Variants in APBA2 observed in about 807,000 individuals in gnomAD.
The protein encoded by APBA2 is amyloid beta precursor protein binding family A member 2.
Under a neutral mutation model 75.0 loss-of-function variants are expected in APBA2, and 30 were observed. The ratio of observed to expected loss-of-function variants is 0.40; its 90% CI spans 0.30 to 0.54. The LOEUF is 0.54. APBA2 is among the 20% of genes least tolerant of loss of function. The pLI is 0.49. For synonymous variants in APBA2, 444 were observed against 409.6 expected (o/e 1.08, Z -1.01); for missense variants, 801 against 1,016.1 (o/e 0.79, Z 2.88).
intron 2 of APBA2, among the ~76,000 whole-genome samples, chr15:28,944,970 G>C (rs985425745): frequency 6.6e-6 from 1 of 152,188 alleles, no homozygotes; most frequent in Non-Finnish European, 1.5e-5. Flanking sequence ...CCTTGCCCCC[G>C]CTTTGCCTAG....
chr15:28,966,324 C>T (rs1160661467), intron 2 of APBA2, among the ~76,000 whole-genome samples: 2 of 151,744 alleles, frequency 1.3e-5, no homozygotes, highest in African/African-American at 2.4e-5. Flanking sequence ...GTGAATTTGT[C>T]GATTTTTCTC....
chr15:28,975,591 A>G (rs942626241), intron 2 of APBA2, among the ~76,000 whole-genome samples: 1 of 152,190 alleles, frequency 6.6e-6, no homozygotes, highest in African/African-American at 2.4e-5. Flanking sequence ...GGTAGGGAAA[A>G]TTATGATTCA....
chr15:29,104,247 A>AGG (rs2044285540), intron 10 of APBA2, among the ~76,000 whole-genome samples: 1 of 152,170 alleles, frequency 6.6e-6, no homozygotes, highest in South Asian at 2.1e-4. Context: ...GACCCCCTTG[A>AGG]GGGCAGTTGG....
chr15:28,913,574 T>C (rs562500141), intron 1 of APBA2, among the ~76,000 whole-genome samples: 4 of 152,274 alleles, frequency 2.6e-5, no homozygotes, highest in Admixed American at 1.3e-4. Context: ...AAAGGGACAG[T>C]CTGCTGACCT....
chr15:28,917,067 G>A (rs1447712694), intron 1 of APBA2, among the ~76,000 whole-genome samples: 1 of 152,096 alleles, frequency 6.6e-6, no homozygotes, highest in African/African-American at 2.4e-5. Flanking sequence ...AGAGAGAGGG[G>A]GACTCTCTGA....
intron 2 of APBA2, among the ~76,000 whole-genome samples, chr15:28,956,964 G>A (rs999013211): frequency 1.3e-5 from 2 of 152,184 alleles, no homozygotes; most frequent in Admixed American, 6.5e-5. Flanking sequence ...TTTGTTGATC[G>A]TTCATCTGGT....
intron 3 of APBA2, among the ~76,000 whole-genome samples, chr15:29,006,383 A>G (rs1364655456): frequency 1.3e-5 from 2 of 152,240 alleles, no homozygotes; most frequent in Non-Finnish European, 2.9e-5. Context: ...AAACTACCGA[A>G]CATTGCTGAG....
At chr15:28,945,801 C>T (rs974909137) in intron 2 of APBA2, among the ~76,000 whole-genome samples, 1 of 152,136 alleles carries the variant, frequency 6.6e-6, no homozygotes, top group Non-Finnish European at 1.5e-5. Flanking sequence ...GGCGGTGCCG[C>T]TCCTTACATT....
chr15:29,030,394 G>A (rs2040428700), intron 3 of APBA2, among the ~76,000 whole-genome samples: 2 of 152,012 alleles, frequency 1.3e-5, no homozygotes, highest in Admixed American at 6.6e-5. Context: ...CCCGGGAGGC[G>A]GAGCTTGCAG....
intron 4 of APBA2, among the ~76,000 whole-genome samples, chr15:29,066,173 C>T (rs1015844544): frequency 2.7e-4 from 41 of 152,060 alleles, no homozygotes; most frequent in Non-Finnish European, 5.6e-4. Context: ...ATTCATTGGG[C>T]CCCACTTTTA....
chr15:29,027,135 T>C (rs886300393), intron 3 of APBA2, among the ~76,000 whole-genome samples: 48 of 152,216 alleles, frequency 3.2e-4, no homozygotes, highest in African/African-American at 1.1e-3. Context: ...GATCTTTGCC[T>C]CTCTCATGTT....
At chr15:28,982,711 C>G (rs768340166) in intron 2 of APBA2, among the ~76,000 whole-genome samples, 12 of 152,162 alleles carry the variant, frequency 7.9e-5, no homozygotes, top group Non-Finnish European at 1.5e-4. Flanking sequence ...TTTGTCATGA[C>G]AAAGCAAGAC....
In APBA2 at chr15:28,918,537, G is replaced by A. The variant is rs550198495; in HGVS notation, c.-204-3103G>A. Among the ~76,000 whole-genome samples the A allele has an allele frequency of 1.3e-5, 2 of 152,098 alleles. No individual in the cohort carries two copies. Among genetic ancestry groups the A allele is most frequent in the African/African-American group, 4.8e-5 (2 of 41,492 alleles). ...GCTCTTCTCCACCAGCCTTCCCTTT[G>A]GTCGCCCCCTGGCGTCCGCGTCATT... On this transcript the variant is annotated intron_variant, in intron 1 of 14. Transcript: ENST00000683413. The surrounding 1 kb of genome is among the most constrained non-coding windows in gnomAD (Gnocchi z 4.2).
chr15:29,074,873 C>T (rs1384996269), intron 4 of APBA2, 48 bp from the exon 5 acceptor site: 1 of 1,574,648 alleles, frequency 6.4e-7, no homozygotes, highest in African/African-American at 1.3e-5. Context: ...TTGCATCTTG[C>T]ATTTCTCTAA....
chr15:28,947,632 C>G (rs1459824864), intron 2 of APBA2, among the ~76,000 whole-genome samples: 1 of 152,172 alleles, frequency 6.6e-6, no homozygotes, highest in Admixed American at 6.5e-5. Context: ...GGCCCATCAT[C>G]TAGAATGGAG....
intron 3 of APBA2, among the ~76,000 whole-genome samples, chr15:29,053,477 A>G (rs1369489108): frequency 8.6e-5 from 13 of 151,826 alleles, no homozygotes; most frequent in Admixed American, 8.5e-4. Context: ...AAAGCTGCTC[A>G]TTTTCTTCGT....
chr15:28,912,907 C>T (rs1384719177), intron 1 of APBA2, among the ~76,000 whole-genome samples: 1 of 152,250 alleles, frequency 6.6e-6, no homozygotes, highest in Non-Finnish European at 1.5e-5. Flanking sequence ...TTGATCCATT[C>T]ATTCATCATT....
chr15:29,071,938 G>C (rs1410341214), intron 4 of APBA2, among the ~76,000 whole-genome samples: 1 of 152,044 alleles, frequency 6.6e-6, no homozygotes, highest in African/African-American at 2.4e-5. Flanking sequence ...GGTAGGGCAT[G>C]GGGGTGCAGC....
At chr15:28,946,081 CA>C (rs1566828232) in intron 2 of APBA2, among the ~76,000 whole-genome samples, 2 of 152,204 alleles carry the variant, frequency 1.3e-5, no homozygotes, top group Non-Finnish European at 2.9e-5. Flanking sequence ...TAATGAGTTT[CA>C]AAATCTTAAT....
Sources: gnomAD v4.1 joint callset for allele counts (sites outside exome capture counted in the v4.1 genomes callset) on GRCh38, gnomAD v4.1.1 for gene constraint, Gnocchi (gnomAD v3.1) non-coding constraint, MANE v1.5 for transcripts, NCBI Gene and HGNC (gene_info 2026-07-23, HGNC 2026-07-21) for gene names.